Variants in SYT13 observed in about 807,000 individuals in gnomAD.
The protein encoded by SYT13 is synaptotagmin-13.
A neutral mutation model predicts 38.6 loss-of-function variants in SYT13; 21 were observed. The ratio of observed to expected loss-of-function variants is 0.54; its 90% CI spans 0.39 to 0.78. SYT13 has a LOEUF of 0.78. SYT13 is among the 30% of genes least tolerant of loss of function. The pLI is 0.00. For missense variants in SYT13, 495 were observed against 548.7 expected, an observed-to-expected ratio of 0.90 and a Z score of 0.98; for synonymous variants, 241 against 237.6, an observed-to-expected ratio of 1.01 and a Z score of -0.13.
intron 1 of SYT13, chr11:45,269,345 C>A: frequency 5.4e-6 from 4 of 744,902 alleles, no homozygotes; most frequent in South Asian, 4.7e-5. Flanking sequence ...AAAAACAAAA[C>A]AAACAAACAA....
intron 1 of SYT13, among the ~76,000 whole-genome samples, chr11:45,275,650 G>A (rs1161686592): frequency 6.6e-6 from 1 of 152,136 alleles, no homozygotes; most frequent in Non-Finnish European, 1.5e-5. Context: ...CTAATGAATT[G>A]GGACTTATTG....
intron 1 of SYT13, among the ~76,000 whole-genome samples, chr11:45,279,869 G>A (rs142490810): frequency 1.9e-3 from 286 of 152,200 alleles, no homozygotes; most frequent in Middle Eastern, 0.01. Flanking sequence ...TTCATGGGGC[G>A]TCCTATCATC....
intron 1 of SYT13, among the ~76,000 whole-genome samples, chr11:45,285,090 GC>G (rs1855118212): frequency 6.6e-6 from 1 of 152,178 alleles, no homozygotes; most frequent in African/African-American, 2.4e-5. Context: ...TTTAAGTCAT[GC>G]CCCTGCCCCA....
chr11:45,282,448 G>A (rs1027601005), intron 1 of SYT13, among the ~76,000 whole-genome samples: 1 of 152,206 alleles, frequency 6.6e-6, no homozygotes, highest in African/African-American at 2.4e-5. Context: ...CCTCTGAATT[G>A]TTGGAAAAAG....
chr11:45,286,236 C>T lies in SYT13; in HGVS notation c.-29G>A. ...GCCCGCTCCCGGCGAGGGGCTGGGT[C>T]CCGCAGCCGCTCACCTTCCCCGGGC... On this transcript the variant is annotated 5_prime_UTR_variant, in exon 1 of 6. Coordinates refer to ENST00000020926, the MANE Select transcript of SYT13 (RefSeq NM_020826.3). The T allele has an allele frequency of 6.6e-7, 1 of 1,509,040 alleles. No homozygotes were observed. The highest frequency in any genetic ancestry group is 8.8e-7 in the Non-Finnish European group (1 of 1,131,102). 93.5% of individuals were successfully genotyped at this position (1,509,040 alleles called of 1,614,324 possible).
At chr11:45,268,084 G>A (rs1447607137) in intron 1 of SYT13, among the ~76,000 whole-genome samples, 1 of 152,140 alleles carries the variant, frequency 6.6e-6, no homozygotes, top group Non-Finnish European at 1.5e-5. Flanking sequence ...TGATGTGACC[G>A]ACTTGGAGAT....
At chr11:45,255,371 T>C (rs139621843) in intron 2 of SYT13, among the ~76,000 whole-genome samples, 147 of 152,290 alleles carry the variant, frequency 9.7e-4, no homozygotes, top group Non-Finnish European at 1.7e-3. Flanking sequence ...CCCTTGACTC[T>C]GAAGCCCATG....
intron 1 of SYT13, among the ~76,000 whole-genome samples, chr11:45,260,501 C>T (rs1206637099): frequency 6.6e-6 from 1 of 152,130 alleles, no homozygotes; most frequent in East Asian, 1.9e-4. Context: ...AGGAGGTGCT[C>T]AGGGTAGCAG....
chr11:45,253,238 C>A (rs1854700899), intron 3 of SYT13, among the ~76,000 whole-genome samples: 1 of 152,176 alleles, frequency 6.6e-6, no homozygotes, highest in South Asian at 2.1e-4. Context: ...ACTGGCTCTT[C>A]AGGGATCGTT....
At chr11:45,247,405 T>A (rs116266505) in intron 4 of SYT13, among the ~76,000 whole-genome samples, 1 of 152,122 alleles carries the variant, frequency 6.6e-6, no homozygotes, top group Non-Finnish European at 1.5e-5. Flanking sequence ...AAGAGGCAGA[T>A]GTGTGGCCTG....
At chr11:45,273,770 C>T (rs761821506) in intron 1 of SYT13, among the ~76,000 whole-genome samples, 4 of 152,324 alleles carry the variant, frequency 2.6e-5, no homozygotes, top group Middle Eastern at 3.4e-3. Context: ...TTCATGTTCC[C>T]CTTTTCATTC....
At chr11:45,250,917 C>G (rs928021934) in intron 4 of SYT13, among the ~76,000 whole-genome samples, 1 of 152,098 alleles carries the variant, frequency 6.6e-6, no homozygotes, top group Non-Finnish European at 1.5e-5. Flanking sequence ...CAGACCAACC[C>G]GGCCTCAAGG....
At chr11:45,246,793 G>A (rs1040292867) in intron 4 of SYT13, among the ~76,000 whole-genome samples, 37 of 152,164 alleles carry the variant, frequency 2.4e-4, no homozygotes, top group African/African-American at 8.4e-4. Context: ...AACAAAGAAA[G>A]GCTACTCAGA....
At chr11:45,273,027 G>A (rs538424945) in intron 1 of SYT13, among the ~76,000 whole-genome samples, 211 of 152,280 alleles carry the variant, frequency 1.4e-3, no homozygotes, top group Admixed American at 2.5e-3. Context: ...AGCTAACATG[G>A]TTTGAGTATG....
chr11:45,271,068 G>T (rs1467682549), intron 1 of SYT13, among the ~76,000 whole-genome samples: 1 of 152,138 alleles, frequency 6.6e-6, no homozygotes. Context: ...ATAAAGGGGA[G>T]ATACTAGGTG....
chr11:45,255,620 C>A, intron 2 of SYT13, 46 bp downstream of exon 2: 2 of 1,570,454 alleles, frequency 1.3e-6, no homozygotes, highest in Non-Finnish European at 1.7e-6. Context: ...TGACAAGCCC[C>A]ACTGGAGTGC....
chr11:45,255,834 C>T lies in SYT13; in HGVS notation c.241G>A (p.Asp81Asn). ...ACAGCTGGCCTGGGTCCATAGATGTCTGGGAACTTGAGGAGGGCACGGGGC... is the reference window on the plus strand; with the variant it reads ...ACAGCTGGCCTGGGTCCATAGATGTTTGGGAACTTGAGGAGGGCACGGGGC... ...VQPRALLKFP[D>N]IYGPRPAVTA... Residue 81 changes from aspartate to asparagine, a missense_variant, in exon 2 of 6, where the codon GAC becomes AAC. Coordinates refer to ENST00000020926, the MANE Select transcript of SYT13 (RefSeq NM_020826.3). 1.2e-6 allele frequency: 2 copies of T among 1,614,174 alleles called. No homozygotes were observed. The highest frequency in any genetic ancestry group is 1.7e-6 in the Non-Finnish European group (2 of 1,180,034).
intron 5 of SYT13, among the ~76,000 whole-genome samples, chr11:45,244,569 G>A (rs1166570334): frequency 6.6e-6 from 1 of 152,144 alleles, no homozygotes; most frequent in Non-Finnish European, 1.5e-5. Flanking sequence ...GACCATAGAA[G>A]GCTCTGCTAT....
At chr11:45,274,795 C>T (rs1232323911) in intron 1 of SYT13, among the ~76,000 whole-genome samples, 1 of 152,198 alleles carries the variant, frequency 6.6e-6, no homozygotes, top group Non-Finnish European at 1.5e-5. Context: ...CCTCAATAAA[C>T]CTACAGCCTT....
Sources: gnomAD v4.1 joint callset for allele counts (sites outside exome capture counted in the v4.1 genomes callset) on GRCh38, gnomAD v4.1.1 for gene constraint, MANE v1.5 for transcripts, NCBI Gene and HGNC (gene_info 2026-07-23, HGNC 2026-07-21) for gene names.